The following ZNF280D variants were observed in gnomAD, a reference collection of about 807,000 sequenced individuals.
ZNF280D encodes suppressor of hairy wing homolog 4.
ZNF280D carries 39 observed loss-of-function variants against 94.7 expected under a neutral mutation model. The observed-to-expected ratio is 0.41, with a 90% CI of 0.32 to 0.54. The LOEUF (loss-of-function observed/expected upper bound fraction) is 0.54, where lower values mean the gene tolerates loss of function less well. Among genes scored for constraint, ZNF280D ranks in the 20% least tolerant of loss-of-function variants. ZNF280D has a pLI of 0.22. For missense variants in ZNF280D, 1,090 were observed against 1,149.3 expected (o/e 0.95, Z 0.75); for synonymous variants, 398 against 377.6 (o/e 1.05, Z -0.63).
At chr15:56,721,995 T>A (rs1261650301) in intron 1 of ZNF280D, among the ~76,000 whole-genome samples, 2 of 152,214 alleles carry the variant, frequency 1.3e-5, no homozygotes, top group African/African-American at 4.8e-5. Context: ...GATGTGCAAA[T>A]CTTCCTTATA....
intron 1 of ZNF280D, among the ~76,000 whole-genome samples, chr15:56,723,550 AAGTT>A (rs1375107151): frequency 3.3e-5 from 5 of 152,318 alleles, no homozygotes; most frequent in Admixed American, 2.6e-4. Context: ...TAAATTATAA[AAGTT>A]AGTTTTACTT....
At chr15:56,725,897 C>T (rs894936126) in intron 1 of ZNF280D, among the ~76,000 whole-genome samples, 46 of 151,836 alleles carry the variant, frequency 3.0e-4, no homozygotes, top group African/African-American at 1.1e-3. Context: ...ACAAGGCATA[C>T]ATCATCCCAA....
intron 13 of ZNF280D, among the ~76,000 whole-genome samples, chr15:56,676,111 T>C (rs2055214134): frequency 6.6e-6 from 1 of 152,110 alleles, no homozygotes; most frequent in Non-Finnish European, 1.5e-5. Flanking sequence ...GATCTAAATA[T>C]AGTTCTCTGC....
intron 20 of ZNF280D, among the ~76,000 whole-genome samples, chr15:56,638,528 A>G (rs2052462571): frequency 6.6e-6 from 1 of 152,178 alleles, no homozygotes; most frequent in Non-Finnish European, 1.5e-5. Flanking sequence ...CATTTCAACC[A>G]AAAGAATGTA....
intron 3 of ZNF280D, among the ~76,000 whole-genome samples, chr15:56,706,522 A>G (rs1476036958): frequency 1.3e-5 from 2 of 152,002 alleles, no homozygotes; most frequent in Admixed American, 6.6e-5. Context: ...ATGGCCATCT[A>G]CAAGTCAAGA....
At chr15:56,682,618 A>C in intron 9 of ZNF280D, 141 bp from the exon 10 acceptor site, 1 of 545,166 alleles carries the variant, frequency 1.8e-6, no homozygotes, top group Non-Finnish European at 3.1e-6. Flanking sequence ...ATAGTCACCA[A>C]AAATTTGTGG....
intron 1 of ZNF280D, among the ~76,000 whole-genome samples, chr15:56,721,128 A>G (rs866493677): frequency 4.5e-4 from 69 of 152,128 alleles, no homozygotes; most frequent in African/African-American, 1.6e-3. Flanking sequence ...ACGCCTGGCT[A>G]ATTTTTATAT....
At position 56,709,302 on chromosome 15, in the gene ZNF280D, C is replaced by G. The variant is rs570133807; in HGVS notation, c.-85-1996G>C. Among the ~76,000 whole-genome samples, 6 of 151,820 alleles carry G rather than the reference C, an allele frequency of 4.0e-5. No homozygotes were observed. In the East Asian group the frequency reaches 1.2e-3, roughly 30 times the overall value. On this transcript the variant is annotated intron_variant, in intron 1 of 21. Transcript: ENST00000267807. ...ATCAGAGAAATGCAAGCGAAAACCA[C>G]AATGAGATACCATCTCACACCAGTT...
chr15:56,723,006 C>A (rs1199550672), intron 1 of ZNF280D, among the ~76,000 whole-genome samples: 3 of 147,096 alleles, frequency 2.0e-5, no homozygotes, highest in Non-Finnish European at 4.4e-5. Context: ...CATATTCTCA[C>A]TCATAGGTGG....
intron 6 of ZNF280D, 140 bp downstream of exon 6, chr15:56,700,793 G>A: frequency 1.3e-6 from 2 of 1,547,516 alleles, no homozygotes; most frequent in African/African-American, 2.7e-5. Flanking sequence ...GCGAAAATAT[G>A]GTGACATTTT....
intron 9 of ZNF280D, 130 bp downstream of exon 9, chr15:56,688,911 G>T: frequency 1.8e-6 from 1 of 551,754 alleles, no homozygotes; most frequent in East Asian, 3.2e-5. Context: ...CATTATGAAT[G>T]TAAATTTTTA....
At chr15:56,701,745 G>A (rs1484181406) in intron 4 of ZNF280D, among the ~76,000 whole-genome samples, 1 of 151,786 alleles carries the variant, frequency 6.6e-6, no homozygotes, top group Non-Finnish European at 1.5e-5. Flanking sequence ...AAATCTCATC[G>A]GATTATCTAC....
rs377367004 is a variant in ZNF280D, at chr15:56,666,911, T to C, written c.1621A>G (p.Thr541Ala). Residue 541 changes from threonine to alanine, a missense_variant, in exon 15 of 22, where the codon ACC (threonine) becomes GCC (alanine). Thr to Ala is a moderately conservative substitution (Grantham distance 58). Coordinates refer to ENST00000267807, the MANE Select transcript of ZNF280D (RefSeq NM_017661.4). ...GTCCTTGGAGGTGAGAGCTGAAGGG[T>C]AGAAGCACTTGCACTAATGGAAGGT... Reference protein sequence around the residue: ...PTPSISASASTLQLSPPRTKN... With the variant: ...PTPSISASASALQLSPPRTKN... 5.0e-6 allele frequency: 8 copies of C among 1,613,496 alleles called. No individual in the cohort carries two copies. The African/African-American group carries it at 6.7e-5, about 13-fold the overall frequency.
At chr15:56,704,001 C>T in intron 4 of ZNF280D, 120 bp downstream of exon 4, 2 of 1,055,580 alleles carry the variant, frequency 1.9e-6, no homozygotes, top group Non-Finnish European at 2.7e-6. Flanking sequence ...CCTCAAGTCC[C>T]CAATCATGTT....
At chr15:56,632,438 T>C (rs1246042153) in intron 21 of ZNF280D, among the ~76,000 whole-genome samples, 1 of 151,980 alleles carries the variant, frequency 6.6e-6, no homozygotes, top group African/African-American at 2.4e-5. Flanking sequence ...TTTTATTAAC[T>C]TGTAAAAGTA....
intron 10 of ZNF280D, among the ~76,000 whole-genome samples, chr15:56,679,282 A>G (rs1450586758): frequency 2.6e-5 from 4 of 152,228 alleles, no homozygotes; most frequent in African/African-American, 7.2e-5. Context: ...CAGAGTCAGG[A>G]GGAAATCTTT....
intron 4 of ZNF280D, among the ~76,000 whole-genome samples, chr15:56,703,574 C>T (rs1184505620): frequency 3.3e-5 from 5 of 152,164 alleles, no homozygotes; most frequent in Admixed American, 6.5e-5. Flanking sequence ...TTACTTAAGG[C>T]TAGGTGCAGT....
rs1024236750 is a variant in ZNF280D at position 56,631,293 on chromosome 15, A to C, written c.*205T>G. 8 of 500,556 alleles carry C rather than the reference A, an allele frequency of 1.6e-5. No individual in the cohort carries two copies. The highest frequency in any genetic ancestry group is 7.6e-5 in the African/African-American group (4 of 52,540). 31.0% of individuals were successfully genotyped at this position (500,556 alleles called of 1,614,324 possible). A position where few individuals can be genotyped will look rare whatever the true frequency, so the allele number is the denominator to read the frequency against. On this transcript the variant is annotated 3_prime_UTR_variant, in exon 22 of 22. Coordinates refer to ENST00000267807, the MANE Select transcript of ZNF280D (RefSeq NM_017661.4). ...TTAAAATCCTGTTCGTGTTTTTAAA[A>C]ACTTTTTGGGAATCCCTACTAATCA...
At chr15:56,706,457 G>A (rs1386113474) in intron 3 of ZNF280D, among the ~76,000 whole-genome samples, 7 of 151,886 alleles carry the variant, frequency 4.6e-5, no homozygotes, top group Non-Finnish European at 7.4e-5. Context: ...CAGCCTGGGT[G>A]ACAGAGTGAG....
Sources: gnomAD v4.1 joint callset for allele counts (sites outside exome capture counted in the v4.1 genomes callset) on GRCh38, gnomAD v4.1.1 for gene constraint, MANE v1.5 for transcripts, NCBI Gene and HGNC (gene_info 2026-07-23, HGNC 2026-07-21) for gene names.